MALRD1: variants seen among roughly 807,000 people sequenced by gnomAD.
The protein encoded by MALRD1 is MAM and LDL-receptor class A domain-containing protein 1.
MALRD1 carries 247 observed loss-of-function variants against 242.1 expected under a neutral mutation model. The observed-to-expected ratio is 1.02, with a 90% CI of 0.92 to 1.13. The LOEUF (loss-of-function observed/expected upper bound fraction) is 1.13, where lower values mean the gene tolerates loss of function less well. MALRD1 is among the 50% of genes most tolerant of loss of function. The pLI, the probability that MALRD1 is intolerant of heterozygous loss-of-function variation, is 0.00. For missense variants in MALRD1, 2,989 were observed against 2,533.1 expected (o/e 1.18, Z -3.86); for synonymous variants, 995 against 866.6 (o/e 1.15, Z -2.60).
chr10:19,513,093 G>A (rs1246780100), intron 31 of MALRD1, among the ~76,000 whole-genome samples: 1 of 152,064 alleles, frequency 6.6e-6, no homozygotes, highest in East Asian at 1.9e-4. Context: ...TATATGATAT[G>A]GTTTGTATAT....
At chr10:19,687,921 AT>A (rs2131811564) in intron 36 of MALRD1, among the ~76,000 whole-genome samples, 1 of 23,246 alleles carries the variant, frequency 4.3e-5, no homozygotes, top group African/African-American at 4.5e-4. Flanking sequence ...ATGTTATGTT[AT>A]GTTATGTTAT....
At chr10:19,416,472 C>T (rs1833516298) in intron 28 of MALRD1, among the ~76,000 whole-genome samples, 1 of 151,990 alleles carries the variant, frequency 6.6e-6, no homozygotes, top group South Asian at 2.1e-4. Context: ...GCTTAATCTT[C>T]ATTGATGTGA....
chr10:19,406,332 A>T (rs1006299109), intron 28 of MALRD1, among the ~76,000 whole-genome samples: 1 of 152,178 alleles, frequency 6.6e-6, no homozygotes, highest in Non-Finnish European at 1.5e-5. Flanking sequence ...AAACTGTGCG[A>T]TCTATTACTT....
chr10:19,145,202 A>G (rs1054949384), intron 10 of MALRD1, among the ~76,000 whole-genome samples: 1 of 152,198 alleles, frequency 6.6e-6, no homozygotes, highest in Non-Finnish European at 1.5e-5. Context: ...TTATGAAACC[A>G]TCTATTTTTC....
chr10:19,446,005 C>A (rs974928527), intron 28 of MALRD1, among the ~76,000 whole-genome samples: 1 of 152,100 alleles, frequency 6.6e-6, no homozygotes, highest in Non-Finnish European at 1.5e-5. Context: ...TGGTGGATGC[C>A]CCTCCTTCAG....
At chr10:19,424,813 AT>A (rs1305856481) in intron 28 of MALRD1, among the ~76,000 whole-genome samples, 1 of 152,126 alleles carries the variant, frequency 6.6e-6, no homozygotes, top group Admixed American at 6.5e-5. Context: ...CCTGACCTGA[AT>A]TTGCTTGGGA....
chr10:19,676,772 A>ACCTGCGTATTAAG (rs1243998185), intron 36 of MALRD1, among the ~76,000 whole-genome samples: 1 of 152,080 alleles, frequency 6.6e-6, no homozygotes. Context: ...TCAACCCATC[A>ACCTGCGTATTAAG]CCTGCGTATT....
intron 28 of MALRD1, among the ~76,000 whole-genome samples, chr10:19,412,363 A>G (rs183740007): frequency 2.6e-5 from 4 of 152,322 alleles, no homozygotes; most frequent in Admixed American, 2.0e-4. Flanking sequence ...ACCTCCATCA[A>G]TTAAACTACT....
At chr10:19,419,943 A>T (rs1833655787) in intron 28 of MALRD1, among the ~76,000 whole-genome samples, 2 of 152,216 alleles carry the variant, frequency 1.3e-5, no homozygotes, top group African/African-American at 4.8e-5. Flanking sequence ...ACTGTCCTCT[A>T]TTAAATAGAA....
At chr10:19,585,293 G>C (rs1004853250) in intron 33 of MALRD1, among the ~76,000 whole-genome samples, 1 of 151,274 alleles carries the variant, frequency 6.6e-6, no homozygotes, top group Non-Finnish European at 1.5e-5. Flanking sequence ...TATTTTGTTC[G>C]TTAGTTGATG....
At chr10:19,183,926 A>G (rs1835630750) in intron 14 of MALRD1, among the ~76,000 whole-genome samples, 1 of 152,188 alleles carries the variant, frequency 6.6e-6, no homozygotes, top group South Asian at 2.1e-4. Context: ...TCTCTCTGCC[A>G]GTTAAAACAC....
chr10:19,204,461 T>A, intron 16 of MALRD1, 48 bp downstream of exon 16: 1 of 1,288,164 alleles, frequency 7.8e-7, no homozygotes, highest in Non-Finnish European at 1.1e-6. Context: ...TTCACCCTGG[T>A]GGTGAAGTGT....
intron 19 of MALRD1, among the ~76,000 whole-genome samples, chr10:19,262,304 T>C (rs1426034515): frequency 6.6e-6 from 1 of 151,938 alleles, no homozygotes; most frequent in Non-Finnish European, 1.5e-5. Flanking sequence ...AATCAAACTA[T>C]TAGTAATTGA....
In MALRD1 at chr10:19,323,804, T is replaced by C. The variant is rs901183006; in HGVS notation, c.3420-145T>C. The C allele has an allele frequency of 1.2e-4, 79 of 658,482 alleles. No homozygotes were observed. In the African/African-American group the frequency reaches 1.3e-3, roughly 11 times the overall value. 40.8% of individuals were successfully genotyped at this position (658,482 alleles called of 1,614,324 possible). ...TTTCGTATTTTTAGTAGAGACGGTGTTTCATCATGGTAGCCAGGCTGGTCT... is the reference window on the plus strand; with the variant it reads ...TTTCGTATTTTTAGTAGAGACGGTGCTTCATCATGGTAGCCAGGCTGGTCT... On this transcript the variant is annotated intron_variant, in intron 21 of 39. Coordinates refer to ENST00000454679, the MANE Select transcript of MALRD1 (RefSeq NM_001142308.3).
At chr10:19,282,241 T>A (rs1324681248) in intron 20 of MALRD1, among the ~76,000 whole-genome samples, 9 of 152,184 alleles carry the variant, frequency 5.9e-5, no homozygotes, top group Admixed American at 4.6e-4. Flanking sequence ...CTAATACGCC[T>A]GAATGTCATG....
intron 10 of MALRD1, among the ~76,000 whole-genome samples, chr10:19,142,217 C>G (rs982654172): frequency 7.1e-6 from 1 of 140,086 alleles, no homozygotes; most frequent in Non-Finnish European, 1.5e-5. Flanking sequence ...TAAAACACTT[C>G]ATGAAGGGAA....
intron 31 of MALRD1, among the ~76,000 whole-genome samples, chr10:19,528,920 C>T (rs1003982048): frequency 6.6e-6 from 1 of 152,128 alleles, no homozygotes; most frequent in African/African-American, 2.4e-5. Flanking sequence ...GCAAGTAGCC[C>T]ATGAACGGGA....
chr10:19,455,918 T>C (rs4748579), intron 29 of MALRD1, among the ~76,000 whole-genome samples: 67,325 of 151,532 alleles, frequency 0.44, 15,468 homozygotes, highest in African/African-American at 0.56. Flanking sequence ...GGCATTTGTC[T>C]CCTTCCCCAG....
intron 30 of MALRD1, 51 bp from the exon 31 acceptor site, chr10:19,498,434 C>G (rs1837821869): frequency 6.8e-6 from 10 of 1,468,516 alleles, no homozygotes; most frequent in Non-Finnish European, 9.2e-6. Context: ...AGGGTAGTAG[C>G]AAATGTGATA....
Sources: gnomAD v4.1 joint callset for allele counts (sites outside exome capture counted in the v4.1 genomes callset) on GRCh38, gnomAD v4.1.1 for gene constraint, MANE v1.5 for transcripts, NCBI Gene and HGNC (gene_info 2026-07-23, HGNC 2026-07-21) for gene names.